Variants in TAOK3 observed in about 807,000 individuals in gnomAD.
TAOK3 encodes the protein serine/threonine-protein kinase TAO3.
TAOK3 carries 40 observed loss-of-function variants against 120.4 expected under a neutral mutation model. That is an observed-to-expected ratio of 0.33 (90% CI 0.26 to 0.43). The LOEUF (loss-of-function observed/expected upper bound fraction) is 0.43, where lower values mean the gene tolerates loss of function less well. TAOK3 is among the 20% of genes least tolerant of loss of function. The probability of loss-of-function intolerance (pLI) is 1.00; values close to 1 mark genes in which losing one functional copy is unlikely to be tolerated. For synonymous variants in TAOK3, 355 were observed against 387.5 expected (o/e 0.92, Z 0.99); for missense variants, 821 against 1,112.1 (o/e 0.74, Z 3.72).
chr12:118,245,381 A>C lies in TAOK3; in HGVS notation c.121-416T>G, dbSNP rs542865931. ...TCATGCTGGAGTGCACTGGGGCACG[A>C]TCTTGGCTCACTGTAGCCTCTGCCT... On this transcript the variant is annotated intron_variant, in intron 3 of 20. Transcript: ENST00000392533. Among the ~76,000 whole-genome samples the C allele has an allele frequency of 2.0e-5, 3 of 151,850 alleles. No individual in the cohort carries two copies. In the South Asian group the frequency reaches 6.2e-4, roughly 32 times the overall value.
At chr12:118,345,714 C>T (rs2044827929) in intron 1 of TAOK3, among the ~76,000 whole-genome samples, 1 of 151,276 alleles carries the variant, frequency 6.6e-6, no homozygotes, top group African/African-American at 2.4e-5. Context: ...TGAACTCATG[C>T]TCCTGGAAAC....
At position 118,150,766 on chromosome 12, in the gene TAOK3, G is replaced by A; in HGVS notation, c.*231C>T. 1 of 528,082 alleles carries A rather than the reference G, an allele frequency of 1.9e-6. No individual in the cohort carries two copies. Among genetic ancestry groups the A allele is most frequent in the Non-Finnish European group, 3.3e-6 (1 of 299,444 alleles). 32.7% of individuals were successfully genotyped at this position (528,082 alleles called of 1,614,324 possible). A position where few individuals can be genotyped will look rare whatever the true frequency, so the allele number is the denominator to read the frequency against. ...AATACTGTGACGTGTACTGTGAATA[G>A]AAGAGACGGCCAGGTTTTGGCCAGC... On this transcript the variant is annotated 3_prime_UTR_variant, in exon 21 of 21. Coordinates refer to ENST00000392533, the MANE Select transcript of TAOK3 (RefSeq NM_016281.4).
chr12:118,370,757 C>T (rs2045871074), intron 1 of TAOK3, among the ~76,000 whole-genome samples: 1 of 152,176 alleles, frequency 6.6e-6, no homozygotes, highest in South Asian at 2.1e-4. Flanking sequence ...TTAATTTTCA[C>T]ATCCCTCAGA....
rs2035149270 is a variant in TAOK3, at chr12:118,160,565, A to G, written c.2140-207T>C. ...TTTTGGTTTTATATTGAATGACTAT[A>G]AGTAATTTTGAATTTACAAATGGGG... On this transcript the variant is annotated intron_variant, in intron 18 of 20. Coordinates refer to ENST00000392533, the MANE Select transcript of TAOK3 (RefSeq NM_016281.4). The surrounding 1 kb of genome is among the most constrained non-coding windows in gnomAD (Gnocchi z 4.2). 6.6e-6 allele frequency among the ~76,000 whole-genome samples: 1 copy of G among 152,222 alleles called. No individual in the cohort carries two copies. Among genetic ancestry groups the G allele is most frequent in the African/African-American group, 2.4e-5 (1 of 41,468 alleles).
intron 11 of TAOK3, among the ~76,000 whole-genome samples, chr12:118,203,704 CA>C (rs35135077): frequency 0.19 from 23,962 of 126,996 alleles, 2,034 homozygotes; most frequent in East Asian, 0.26. Flanking sequence ...AACTCCATCT[CA>C]AAAAAAAAAA....
chr12:118,367,912 T>TA (rs2045785279), intron 1 of TAOK3, among the ~76,000 whole-genome samples: 2 of 152,138 alleles, frequency 1.3e-5, no homozygotes, highest in Admixed American at 1.3e-4. Context: ...ATGCTACTGA[T>TA]AGCAACAAAT....
chr12:118,190,075 G>A, intron 13 of TAOK3, 134 bp from the exon 14 acceptor site: 1 of 1,120,542 alleles, frequency 8.9e-7, no homozygotes, highest in Non-Finnish European at 1.3e-6. Context: ...AGTCCCCGCA[G>A]CTCCCACGGT....
chr12:118,211,594 C>T (rs184826453), intron 11 of TAOK3, among the ~76,000 whole-genome samples: 1 of 147,560 alleles, frequency 6.8e-6, no homozygotes, highest in East Asian at 2.0e-4. Flanking sequence ...TAACATCGCC[C>T]AAATTTATTC....
At position 118,198,737 on chromosome 12, in the gene TAOK3, G is replaced by A. The variant is rs544531421; in HGVS notation, c.1194+314C>T. On this transcript the variant is annotated intron_variant, in intron 13 of 20. Coordinates refer to ENST00000392533, the MANE Select transcript of TAOK3 (RefSeq NM_016281.4). ...ACTTCTAAAAGGGCACAACCAACAG[G>A]TACACTCAGGAAGACTTGAAGGTCT... 9.7e-4 allele frequency: 345 copies of A among 354,198 alleles called. 2 individuals are homozygous for A. The highest frequency in any genetic ancestry group is 1.7e-3 in the Non-Finnish European group (307 of 184,064). The allele number at this position is 354,198 out of a possible 1,614,324, so 21.9% of individuals were successfully genotyped here. A position where few individuals can be genotyped will look rare whatever the true frequency, so the allele number is the denominator to read the frequency against.
At chr12:118,210,824 C>T (rs558179998) in intron 11 of TAOK3, among the ~76,000 whole-genome samples, 7 of 151,644 alleles carry the variant, frequency 4.6e-5, no homozygotes, top group East Asian at 1.9e-4. Context: ...CTGTAACCTC[C>T]GCCTTCCGGC....
At chr12:118,270,669 CTT>C (rs761296706) in intron 1 of TAOK3, among the ~76,000 whole-genome samples, 6 of 125,962 alleles carry the variant, frequency 4.8e-5, no homozygotes, top group Middle Eastern at 4.1e-3. Flanking sequence ...CTAAATGTCA[CTT>C]TTTTTTTTTT....
chr12:118,304,763 C>G (rs989404239), intron 1 of TAOK3, among the ~76,000 whole-genome samples: 13 of 152,134 alleles, frequency 8.5e-5, no homozygotes, highest in Non-Finnish European at 1.0e-4. Context: ...ATGAACTAAA[C>G]TTATGAAAAT....
chr12:118,191,521 C>T (rs1232275369), intron 13 of TAOK3, among the ~76,000 whole-genome samples: 1 of 152,132 alleles, frequency 6.6e-6, no homozygotes, highest in Non-Finnish European at 1.5e-5. Context: ...GTCATAATGG[C>T]TATGTTTCAA....
chr12:118,213,480 G>A (rs557856373), intron 10 of TAOK3, among the ~76,000 whole-genome samples: 19 of 152,124 alleles, frequency 1.2e-4, no homozygotes, highest in South Asian at 4.2e-4. Flanking sequence ...CATTTTATCC[G>A]TTCTTCTTTA....
At chr12:118,329,449 G>C (rs560838312) in intron 1 of TAOK3, among the ~76,000 whole-genome samples, 6 of 152,050 alleles carry the variant, frequency 3.9e-5, no homozygotes, top group Non-Finnish European at 7.4e-5. Context: ...CCATTTCAGA[G>C]TCTAATTAGG....
At chr12:118,234,533 C>G (rs572763220) in intron 8 of TAOK3, among the ~76,000 whole-genome samples, 1 of 152,074 alleles carries the variant, frequency 6.6e-6, no homozygotes, top group African/African-American at 2.4e-5. Context: ...CGTGAGCCAC[C>G]GCGCCTGGAG....
chr12:118,266,805 A>G (rs368602418), intron 1 of TAOK3, 46 bp from the exon 2 acceptor site: 3 of 391,662 alleles, frequency 7.7e-6, no homozygotes, highest in African/African-American at 6.2e-5. Flanking sequence ...GCCAAATTAA[A>G]GAATCAATAA....
chr12:118,336,978 T>C (rs2044394980), intron 1 of TAOK3, among the ~76,000 whole-genome samples: 1 of 152,180 alleles, frequency 6.6e-6, no homozygotes, highest in Non-Finnish European at 1.5e-5. Flanking sequence ...GAGAATCGCT[T>C]CAACCTGGGA....
chr12:118,353,483 T>A (rs188440990), intron 1 of TAOK3, among the ~76,000 whole-genome samples: 147 of 150,978 alleles, frequency 9.7e-4, no homozygotes, highest in Non-Finnish European at 1.6e-3. Context: ...TCAGAAAGGG[T>A]GTCGAAAGTC....
Sources: allele counts gnomAD v4.1 joint callset (sites outside exome capture counted in the v4.1 genomes callset), GRCh38; gene constraint gnomAD v4.1.1; non-coding constraint Gnocchi (gnomAD v3.1); transcripts MANE v1.5; gene names NCBI Gene and HGNC (gene_info 2026-07-23, HGNC 2026-07-21).